CEP128: variants seen among roughly 807,000 people sequenced by gnomAD.
CEP128 encodes the protein centrosomal protein 128, also known as centrosomal protein 128kDa.
CEP128 carries 132 observed loss-of-function variants against 156.7 expected under a neutral mutation model. The ratio of observed to expected loss-of-function variants is 0.84; its 90% CI spans 0.73 to 0.97. The LOEUF is 0.97. Among genes scored for constraint, CEP128 ranks in the 50% least tolerant of loss-of-function variants. CEP128 has a pLI of 0.00. For missense variants in CEP128, 1,252 were observed against 1,281.9 expected (o/e 0.98, Z 0.36); for synonymous variants, 469 against 448.9 (o/e 1.04, Z -0.57).
intron 3 of CEP128, among the ~76,000 whole-genome samples, chr14:80,915,940 A>G (rs1338674722): frequency 6.6e-6 from 1 of 152,214 alleles, no homozygotes; most frequent in Non-Finnish European, 1.5e-5. Context: ...GATTTTGCAA[A>G]TGTGATTACA....
intron 19 of CEP128, among the ~76,000 whole-genome samples, chr14:80,590,047 G>A (rs1352761847): frequency 1.3e-5 from 2 of 152,078 alleles, no homozygotes; most frequent in Non-Finnish European, 1.5e-5. Flanking sequence ...CATATAAAGA[G>A]CAAGTCCAGA....
At chr14:80,738,910 A>G (rs1252879932) in intron 19 of CEP128, among the ~76,000 whole-genome samples, 1 of 152,200 alleles carries the variant, frequency 6.6e-6, no homozygotes, top group Non-Finnish European at 1.5e-5. Context: ...TAATCAGTGA[A>G]TAGTGTGCCA....
At chr14:80,642,376 T>C (rs1894453955) in intron 19 of CEP128, among the ~76,000 whole-genome samples, 2 of 152,140 alleles carry the variant, frequency 1.3e-5, no homozygotes. Context: ...AGGAGAGATA[T>C]CAGTGACTTA....
intron 8 of CEP128, among the ~76,000 whole-genome samples, chr14:80,882,147 C>T (rs1197459844): frequency 3.3e-5 from 5 of 152,014 alleles, no homozygotes; most frequent in South Asian, 2.1e-4. Context: ...GAAGAGACAA[C>T]CCACAGAATG....
chr14:80,822,359 CA>C (rs1270801256), intron 13 of CEP128, among the ~76,000 whole-genome samples: 2 of 152,122 alleles, frequency 1.3e-5, no homozygotes, highest in Non-Finnish European at 2.9e-5. Flanking sequence ...TTGGCCAAAA[CA>C]AAGGGGCTAC....
At chr14:80,893,054 G>C (rs1487137376) in intron 8 of CEP128, among the ~76,000 whole-genome samples, 1 of 151,856 alleles carries the variant, frequency 6.6e-6, no homozygotes, top group African/African-American at 2.4e-5. Context: ...ACTCACAATA[G>C]CCAAGATATG....
At chr14:80,614,386 G>A (rs1893128101) in intron 19 of CEP128, among the ~76,000 whole-genome samples, 1 of 151,902 alleles carries the variant, frequency 6.6e-6, no homozygotes, top group African/African-American at 2.4e-5. Flanking sequence ...CCTTCCTTTG[G>A]CTCATGTGAC....
At chr14:80,534,633 G>T (rs912750828) in intron 21 of CEP128, among the ~76,000 whole-genome samples, 1 of 152,022 alleles carries the variant, frequency 6.6e-6, no homozygotes, top group Admixed American at 6.6e-5. Flanking sequence ...AGACCATCCT[G>T]GTGAACACGG....
intron 19 of CEP128, among the ~76,000 whole-genome samples, chr14:80,667,892 A>G (rs1294002342): frequency 6.6e-6 from 1 of 151,414 alleles, no homozygotes; most frequent in African/African-American, 2.4e-5. Context: ...AATTTCCTTC[A>G]AATTAAAATG....
chr14:80,821,600 T>TACACACACACACAC (rs71103885), intron 13 of CEP128, among the ~76,000 whole-genome samples: 39 of 145,360 alleles, frequency 2.7e-4, no homozygotes, highest in African/African-American at 5.4e-4. Context: ...CATACACACA[T>TACACACACACACAC]ACACACACAC....
upstream of CEP128, among the ~76,000 whole-genome samples, chr14:80,943,045 C>T (rs1566730378): frequency 6.6e-6 from 1 of 152,190 alleles, no homozygotes; most frequent in Non-Finnish European, 1.5e-5. Context: ...CTCCACCAGA[C>T]AGAGTTTAAG....
At chr14:80,616,566 T>A (rs1368892828) in intron 19 of CEP128, among the ~76,000 whole-genome samples, 1 of 152,088 alleles carries the variant, frequency 6.6e-6, no homozygotes, top group East Asian at 1.9e-4. Context: ...AATCAAGTGT[T>A]CCCATTTCTA....
At chr14:80,514,108 A>T (rs1349547563) in intron 23 of CEP128, among the ~76,000 whole-genome samples, 2 of 152,240 alleles carry the variant, frequency 1.3e-5, no homozygotes, top group Admixed American at 1.3e-4. Flanking sequence ...GATAAACTCA[A>T]CCAATTGTCA....
chr14:80,927,928 G>A (rs1276781544), intron 2 of CEP128, among the ~76,000 whole-genome samples: 1 of 152,164 alleles, frequency 6.6e-6, no homozygotes, highest in East Asian at 1.9e-4. Context: ...ACAGGAGAGA[G>A]TAAACCTGCT....
chr14:80,596,191 G>A lies in CEP128; in HGVS notation c.2807-15768C>T, dbSNP rs1019269136. ...ATATACCAATTAAAAGACGGAGATC[G>A]TTAGAGTGAATTAAAGAACATGGCC... On this transcript the variant is annotated intron_variant, in intron 19 of 24. Transcript: ENST00000555265. 5.9e-5 allele frequency among the ~76,000 whole-genome samples: 9 copies of A among 152,126 alleles called. No individual in the cohort carries two copies. The South Asian group carries it at 6.2e-4, about 11-fold the overall frequency.
At chr14:80,818,915 A>C (rs1243898379) in intron 13 of CEP128, among the ~76,000 whole-genome samples, 1 of 152,180 alleles carries the variant, frequency 6.6e-6, no homozygotes, top group African/African-American at 2.4e-5. Context: ...TCCTTGAAGG[A>C]CAGGAGCCAT....
intron 6 of CEP128, among the ~76,000 whole-genome samples, chr14:80,900,860 T>C (rs2139422678): frequency 6.6e-6 from 1 of 152,224 alleles, no homozygotes; most frequent in South Asian, 2.1e-4. Context: ...AGTGTCAGGA[T>C]ATGTATGAAG....
chr14:80,654,299 T>C (rs1008792831), intron 19 of CEP128, among the ~76,000 whole-genome samples: 1 of 152,156 alleles, frequency 6.6e-6, no homozygotes, highest in African/African-American at 2.4e-5. Flanking sequence ...AAATGGAATA[T>C]ATCTATAGTG....
At chr14:80,643,955 C>T (rs1894530395) in intron 19 of CEP128, among the ~76,000 whole-genome samples, 1 of 152,112 alleles carries the variant, frequency 6.6e-6, no homozygotes, top group Non-Finnish European at 1.5e-5. Flanking sequence ...TGAAATCAGC[C>T]TAGATGTAGG....
Sources: allele counts gnomAD v4.1 joint callset (sites outside exome capture counted in the v4.1 genomes callset), GRCh38; gene constraint gnomAD v4.1.1; transcripts MANE v1.5; gene names NCBI Gene and HGNC (gene_info 2026-07-23, HGNC 2026-07-21).